Variants in SH3BGRL observed in about 807,000 individuals in gnomAD.
SH3BGRL encodes adapter SH3BGRL.
SH3BGRL carries 7 observed loss-of-function variants against 9.8 expected under a neutral mutation model. The observed-to-expected ratio is 0.72, with a 90% confidence interval of 0.41 to 1.35. The LOEUF (loss-of-function observed/expected upper bound fraction) is 1.35. Among genes scored for constraint, SH3BGRL ranks in the 40% most tolerant of loss-of-function variants. SH3BGRL has a pLI of 0.01. For missense variants in SH3BGRL, 73 were observed against 84.4 expected, an observed-to-expected ratio of 0.86 and a Z score of 0.53; for synonymous variants, 36 against 29.1, an observed-to-expected ratio of 1.24 and a Z score of -0.76.
At chrX:81,214,374 G>T (rs2075575001) in intron 1 of SH3BGRL, among the ~76,000 whole-genome samples, 2 of 111,496 alleles carry the variant, frequency 1.8e-5, no homozygotes, top group East Asian at 2.8e-4. Flanking sequence ...AAAGGAAAAA[G>T]AAGATTCCTG....
chrX:81,255,511 GAAT>G (rs1238706125), intron 1 of SH3BGRL: 1 of 111,717 alleles, frequency 9.0e-6, no homozygotes, highest in African/African-American at 3.3e-5. Context: ...ACATTTAATA[GAAT>G]AATAATTATT....
chrX:81,204,317 C>T (rs1256461849), intron 1 of SH3BGRL, among the ~76,000 whole-genome samples: 14 of 111,945 alleles, frequency 1.3e-4, no homozygotes, highest in Non-Finnish European at 1.9e-5. Context: ...AAAGTGAGTA[C>T]TTCTTTGTAA....
chrX:81,220,961 A>G lies in SH3BGRL; in HGVS notation c.45+18716A>G, dbSNP rs146019714. On this transcript the variant is annotated intron_variant, in intron 1 of 3. Transcript: ENST00000373212. Reference sequence around the variant, plus strand: ...TGTTATTGGTTTCCAGTTCTATTCCATTATGTTCAGAAAATATATTTGTTA... The same window carrying G: ...TGTTATTGGTTTCCAGTTCTATTCCGTTATGTTCAGAAAATATATTTGTTA... Among the ~76,000 whole-genome samples the G allele has an allele frequency of 2.4e-3, 266 of 110,898 alleles. 1 individual carries two copies. The highest frequency in any genetic ancestry group is 8.1e-3 in the African/African-American group (250 of 30,705).
At chrX:81,278,527 T>C (rs2075805728) in intron 3 of SH3BGRL, 116 bp downstream of exon 3, 1 of 460,868 alleles carries the variant, frequency 2.2e-6, no homozygotes, top group Non-Finnish European at 3.6e-6. Flanking sequence ...CAATCCTTTA[T>C]AGCAAAAAGT....
intron 3 of SH3BGRL, among the ~76,000 whole-genome samples, chrX:81,282,847 A>C (rs1288124122): frequency 8.9e-6 from 1 of 112,406 alleles, no homozygotes; most frequent in African/African-American, 3.2e-5. Context: ...AATTAAATTG[A>C]AACAAAAAAA....
chrX:81,219,721 G>A (rs769201669), intron 1 of SH3BGRL, among the ~76,000 whole-genome samples: 57 of 111,164 alleles, frequency 5.1e-4, no homozygotes, highest in African/African-American at 1.8e-3. Context: ...AAGCCTTTCA[G>A]TTTTTTTCCC....
In SH3BGRL at chrX:81,277,037, A is replaced by T; in HGVS notation, c.99A>T (p.Gly33=). 8.3e-7 allele frequency: 1 copy of T among 1,208,842 alleles called. No homozygotes were observed. Among genetic ancestry groups the T allele is most frequent in the Non-Finnish European group, 1.1e-6 (1 of 893,808 alleles). ...VLGFLEANKI[G]FEEKDIAANE... ...GTTTCCTAGAAGCCAACAAAATAGGATTTGAAGAAAAAGATATTGCAGCCA... is the reference window on the plus strand; with the variant it reads ...GTTTCCTAGAAGCCAACAAAATAGGTTTTGAAGAAAAAGATATTGCAGCCA... Residue 33 remains glycine, a synonymous_variant, in exon 2 of 4, where the codon GGA becomes GGT. Coordinates refer to ENST00000373212, the MANE Select transcript of SH3BGRL (RefSeq NM_003022.3).
intron 3 of SH3BGRL, among the ~76,000 whole-genome samples, chrX:81,294,551 A>G (rs1171584907): frequency 9.1e-6 from 1 of 110,117 alleles, no homozygotes. Context: ...TCGATATCCA[A>G]GCAGAAGTTT....
intron 1 of SH3BGRL, among the ~76,000 whole-genome samples, chrX:81,274,744 A>T (rs939103896): frequency 2.1e-4 from 24 of 111,755 alleles, no homozygotes; most frequent in African/African-American, 7.5e-4. Flanking sequence ...AAAGGAATAG[A>T]TTCCTTCTTG....
At chrX:81,282,312 C>T (rs1201327201) in intron 3 of SH3BGRL, among the ~76,000 whole-genome samples, 1 of 112,060 alleles carries the variant, frequency 8.9e-6, no homozygotes, top group Non-Finnish European at 1.9e-5. Flanking sequence ...GATTTAAACT[C>T]TACCTTGGAG....
intron 1 of SH3BGRL, among the ~76,000 whole-genome samples, chrX:81,233,431 T>C (rs1486151426): frequency 1.8e-5 from 2 of 111,193 alleles, no homozygotes; most frequent in Non-Finnish European, 3.8e-5. Context: ...ATAAGGAAAA[T>C]CAGTGTGCCT....
intron 3 of SH3BGRL, among the ~76,000 whole-genome samples, chrX:81,296,203 C>A (rs1056945412): frequency 6.3e-5 from 7 of 110,261 alleles, no homozygotes; most frequent in Non-Finnish European, 1.3e-4. Context: ...AGACAAGCAG[C>A]AGTAGGAGGA....
intron 3 of SH3BGRL, among the ~76,000 whole-genome samples, chrX:81,288,715 ATTAAC>A (rs1042517379): frequency 1.1e-4 from 12 of 111,861 alleles, no homozygotes; most frequent in African/African-American, 3.9e-4. Context: ...ATACCTAGGA[ATTAAC>A]TTAACCAAAG....
intron 1 of SH3BGRL, among the ~76,000 whole-genome samples, chrX:81,237,435 A>C (rs1198542405): frequency 1.8e-5 from 2 of 111,516 alleles, no homozygotes; most frequent in African/African-American, 6.5e-5. Context: ...TTGCTGGGGG[A>C]GGGAGAACTC....
At chrX:81,248,452 G>A (rs2075697604) in intron 1 of SH3BGRL, among the ~76,000 whole-genome samples, 1 of 112,291 alleles carries the variant, frequency 8.9e-6, no homozygotes, top group African/African-American at 3.2e-5. Flanking sequence ...AGCTGGCCCT[G>A]GTGGCAAGTC....
intron 1 of SH3BGRL, among the ~76,000 whole-genome samples, chrX:81,249,561 A>G (rs775999397): frequency 8.9e-6 from 1 of 112,408 alleles, no homozygotes; most frequent in South Asian, 3.7e-4. Context: ...GCAATTAAGC[A>G]TTCCATTACA....
chrX:81,206,441 C>T (rs935252679), intron 1 of SH3BGRL, among the ~76,000 whole-genome samples: 1 of 111,557 alleles, frequency 9.0e-6, no homozygotes, highest in Non-Finnish European at 1.9e-5. Context: ...ATACAGTATA[C>T]AGGTTCAAAG....
chrX:81,280,512 G>C (rs185959169), intron 3 of SH3BGRL, among the ~76,000 whole-genome samples: 1 of 111,806 alleles, frequency 8.9e-6, no homozygotes, highest in East Asian at 2.8e-4. Flanking sequence ...GCAGACAACC[G>C]CCAGTACCAA....
At chrX:81,205,136 C>G (rs891578330) in intron 1 of SH3BGRL, among the ~76,000 whole-genome samples, 2 of 111,201 alleles carry the variant, frequency 1.8e-5, no homozygotes, top group Non-Finnish European at 3.8e-5. Context: ...TAACTATAGC[C>G]ACCCTATTGT....
Sources: gnomAD v4.1 joint callset for allele counts (sites outside exome capture counted in the v4.1 genomes callset) on GRCh38, gnomAD v4.1.1 for gene constraint, MANE v1.5 for transcripts, NCBI Gene and HGNC (gene_info 2026-07-23, HGNC 2026-07-21) for gene names.